The following TAF1 variants were observed in gnomAD, a reference collection of about 807,000 sequenced individuals.
TAF1 encodes TATA-box binding protein associated factor 1.
Under a neutral mutation model 138.5 loss-of-function variants are expected in TAF1, and 2 were observed. The ratio of observed to expected loss-of-function variants is 0.01; its 90% confidence interval spans 0.01 to 0.05. The LOEUF is 0.05. Ranked by LOEUF, TAF1 falls within the 10% of genes least tolerant of loss-of-function variation. The pLI is 1.00. For synonymous variants in TAF1, 437 were observed against 503.2 expected, an observed-to-expected ratio of 0.87 and a Z score of 1.76; for missense variants, 709 against 1,478.0, an observed-to-expected ratio of 0.48 and a Z score of 8.53.
At chrX:71,439,800 C>G (rs1327211206) in intron 32 of TAF1, among the ~76,000 whole-genome samples, 1 of 111,779 alleles carries the variant, frequency 8.9e-6, no homozygotes, top group Non-Finnish European at 1.9e-5. Flanking sequence ...ATTATAGATT[C>G]AGGAAGTTGC....
At chrX:71,471,027 T>C (rs1202265980) in intron 13 of TAF1, among the ~76,000 whole-genome samples, 24 of 105,087 alleles carry the variant, frequency 2.3e-4, no homozygotes, top group African/African-American at 6.6e-4. Context: ...CTCAAAAATA[T>C]ATATACATGG....
intron 6 of TAF1, 169 bp downstream of exon 6, chrX:71,377,990 T>G: frequency 1.4e-6 from 1 of 710,465 alleles, no homozygotes; most frequent in Non-Finnish European, 2.0e-6. Context: ...CCTTCCCTAT[T>G]GTAAAAGAAA....
chrX:71,480,800 AT>A (rs2039057299), intron 13 of TAF1, among the ~76,000 whole-genome samples: 1 of 112,052 alleles, frequency 8.9e-6, no homozygotes, highest in South Asian at 3.7e-4. Flanking sequence ...AGAAGGTGAC[AT>A]CTGAACAGAG....
At chrX:71,444,642 G>A (rs1429424376) in intron 32 of TAF1, among the ~76,000 whole-genome samples, 3 of 111,580 alleles carry the variant, frequency 2.7e-5, no homozygotes, top group East Asian at 5.6e-4. Context: ...GCTTGAGCCC[G>A]GGAGGTCAAG....
chrX:71,524,965 A>G (rs1317302080), intron 13 of TAF1, among the ~76,000 whole-genome samples: 3 of 109,741 alleles, frequency 2.7e-5, no homozygotes, highest in African/African-American at 6.6e-5. Context: ...AGGAAAATTA[A>G]TAAGTGGGGA....
intron 18 of TAF1, among the ~76,000 whole-genome samples, chrX:71,391,816 G>A (rs1167445678): frequency 9.2e-6 from 1 of 109,282 alleles, no homozygotes; most frequent in Non-Finnish European, 1.9e-5. Flanking sequence ...TAGTAGAGAT[G>A]GGGTTTCACC....
chrX:71,391,213 A>G (rs948594863), intron 18 of TAF1, among the ~76,000 whole-genome samples: 2 of 111,505 alleles, frequency 1.8e-5, no homozygotes, highest in Non-Finnish European at 3.8e-5. Context: ...GGTTCATGAA[A>G]AAGTAGTATG....
At chrX:71,424,874 C>T (rs1182211225) in intron 32 of TAF1, among the ~76,000 whole-genome samples, 10 of 112,190 alleles carry the variant, frequency 8.9e-5, no homozygotes, top group Non-Finnish European at 1.9e-4. Flanking sequence ...ATCCACCTGC[C>T]TCAGCCTCCC....
chrX:71,407,798 G>A, intron 27 of TAF1, 126 bp downstream of exon 27: 1 of 949,504 alleles, frequency 1.1e-6, no homozygotes, highest in Middle Eastern at 2.8e-4. Flanking sequence ...TAGGGAGTTA[G>A]TTTTTTTTGT....
intron 13 of TAF1, among the ~76,000 whole-genome samples, chrX:71,504,741 C>CAAAAAA (rs41370846): frequency 0.013 from 74 of 5,703 alleles, 4 homozygotes; most frequent in South Asian, 0.022. Context: ...GACCCTGTCT[C>CAAAAAA]AAAAAAAAAA....
At chrX:71,501,282 A>G (rs952465879) in intron 13 of TAF1, among the ~76,000 whole-genome samples, 7 of 110,714 alleles carry the variant, frequency 6.3e-5, no homozygotes, top group Non-Finnish European at 1.3e-4. Flanking sequence ...AAAATTCCAG[A>G]TAGTGTCCCC....
rs565803328 is a variant in TAF1, at chrX:71,473,387, C to T, written c.1366+12584C>T. Among the ~76,000 whole-genome samples, 4 of 111,144 alleles carry T rather than the reference C, an allele frequency of 3.6e-5. No homozygotes were observed. The East Asian group carries it at 8.4e-4, about 23-fold the overall frequency. On this transcript the variant is annotated intron_variant and NMD_transcript_variant, in intron 13 of 14. Transcript: ENST00000373775. ...TAGTACCATATCCAAAAGCCAGAGC[C>T]ATGGCCAGGTGCAGTGACTCTTGCC...
intron 13 of TAF1, among the ~76,000 whole-genome samples, chrX:71,488,090 T>C (rs1012745576): frequency 9.0e-6 from 1 of 111,462 alleles, no homozygotes; most frequent in Non-Finnish European, 1.9e-5. Flanking sequence ...GTTGCTCTAC[T>C]GGGGAAGTAT....
At chrX:71,486,495 C>T (rs142658868) in intron 13 of TAF1, among the ~76,000 whole-genome samples, 1,721 of 108,806 alleles carry the variant, frequency 0.016, 16 homozygotes, top group Non-Finnish European at 0.027. Flanking sequence ...GCTGGGACTA[C>T]AGGTGCACAC....
In TAF1 at chrX:71,454,738, C is replaced by G. The variant is rs189168026; in HGVS notation, c.4822-3C>G. 8.4e-7 allele frequency: 1 copy of G among 1,195,062 alleles called. No homozygotes were observed. Among genetic ancestry groups the G allele is most frequent in the South Asian group, 1.8e-5 (1 of 54,688 alleles). On this transcript the variant is annotated splice_polypyrimidine_tract_variant and splice_region_variant and intron_variant, in intron 33 of 37. Coordinates refer to ENST00000423759, the MANE Select transcript of TAF1 (RefSeq NM_004606.5). Reference sequence around the variant, plus strand: ...GAATGAATTTATTTTCTTTGTTTCTCAGTATGATGAACATTTGACTCAACT... The same window carrying G: ...GAATGAATTTATTTTCTTTGTTTCTGAGTATGATGAACATTTGACTCAACT...
chrX:71,465,857 A>G lies in TAF1; in HGVS notation c.*1811A>G, dbSNP rs1198626621. 8.9e-6 allele frequency: 1 copy of G among 112,504 alleles called. No homozygotes were observed. Among genetic ancestry groups the G allele is most frequent in the Non-Finnish European group, 1.9e-5 (1 of 53,329 alleles). The allele number at this position is 112,504 out of a possible 1,213,427, so 9.3% of individuals were successfully genotyped here. A position where few individuals can be genotyped will look rare whatever the true frequency, so the allele number is the denominator to read the frequency against. On this transcript the variant is annotated 3_prime_UTR_variant, in exon 38 of 38. Coordinates refer to ENST00000423759, the MANE Select transcript of TAF1 (RefSeq NM_004606.5). ...AAAGGATATATGCTAACTGTTCACA[A>G]TGATAACCCCCCAGGAATGGGATTG...
At position 71,454,213 on chromosome X, in the gene TAF1, C is replaced by T. The variant is rs763519779; in HGVS notation, c.4797C>T (p.Asn1599=). 5.0e-6 allele frequency: 6 copies of T among 1,210,294 alleles called. No homozygotes were observed. The highest frequency in any genetic ancestry group is 1.8e-5 in the South Asian group (1 of 56,828). Residue 1599 remains asparagine (N), a synonymous_variant, in exon 33 of 38, where the codon AAC becomes AAT. Transcript: ENST00000423759. ...CTAAGACTGCCCAGGAGATTGTGAA[C>T]GTCTGTTACCAGACATTGACTGAGG... ...QYTKTAQEIV[N]VCYQTLTEYD...
rs1000890795 is a variant in TAF1, at chrX:71,411,433, C to T, written c.4384+3282C>T. 2.7e-5 allele frequency among the ~76,000 whole-genome samples: 3 copies of T among 111,021 alleles called. No individual in the cohort carries two copies. The Admixed American group carries it at 2.9e-4, about 11-fold the overall frequency. The stretch of plus-strand genomic sequence containing the variant: ...GGTGGAGGTTGAAGTGAACCAAGAT[C>T]GCACCATGGCACTCCAGCCTGTGCG... On this transcript the variant is annotated intron_variant, in intron 28 of 37. Coordinates refer to ENST00000423759, the MANE Select transcript of TAF1 (RefSeq NM_004606.5).
intron 13 of TAF1, among the ~76,000 whole-genome samples, chrX:71,516,105 A>C (rs2039819105): frequency 9.1e-6 from 1 of 110,112 alleles, no homozygotes; most frequent in Non-Finnish European, 1.9e-5. Flanking sequence ...TCCGTCATCC[A>C]GGCGGAAGTG....
Sources: allele counts gnomAD v4.1 joint callset (sites outside exome capture counted in the v4.1 genomes callset), GRCh38; gene constraint gnomAD v4.1.1; transcripts MANE v1.5; gene names NCBI Gene and HGNC (gene_info 2026-07-23, HGNC 2026-07-21).